The following PRICKLE2 variants were observed in gnomAD, a reference collection of about 807,000 sequenced individuals.
PRICKLE2 encodes prickle planar cell polarity protein 2.
A neutral mutation model predicts 81.4 loss-of-function variants in PRICKLE2; 21 were observed. The observed-to-expected ratio is 0.26, with a 90% CI of 0.18 to 0.37. The LOEUF (loss-of-function observed/expected upper bound fraction) is 0.37, where lower values mean the gene tolerates loss of function less well. Ranked by LOEUF, PRICKLE2 falls within the 10% of genes least tolerant of loss-of-function variation. The probability of loss-of-function intolerance (pLI) is 1.00; values close to 1 mark genes in which losing one functional copy is unlikely to be tolerated. For missense variants in PRICKLE2, 940 were observed against 1,109.0 expected (o/e 0.85, Z 2.16); for synonymous variants, 456 against 421.5 (o/e 1.08, Z -1.00).
chr3:64,240,009 C>T (rs1221140300), intron 2 of PRICKLE2, among the ~76,000 whole-genome samples: 1 of 150,238 alleles, frequency 6.7e-6, no homozygotes, highest in African/African-American at 2.5e-5. Flanking sequence ...TATAGTCTCA[C>T]CTACTTGGGA....
At chr3:64,212,796 CAAAGTCAAACAAACA>C (rs1478965113) in intron 1 of PRICKLE2, among the ~76,000 whole-genome samples, 13 of 152,226 alleles carry the variant, frequency 8.5e-5, no homozygotes, top group Middle Eastern at 3.4e-3. Flanking sequence ...TCTAGGGATA[CAAAGTCAAACAAACA>C]AACAAACAAA....
At chr3:64,152,644 C>T (rs1402939142) in intron 6 of PRICKLE2, among the ~76,000 whole-genome samples, 1 of 151,884 alleles carries the variant, frequency 6.6e-6, no homozygotes, top group Non-Finnish European at 1.5e-5. Flanking sequence ...TCCTCCTCTG[C>T]AAATCCCCAA....
chr3:64,099,050 A>G lies in PRICKLE2; in HGVS notation c.*1T>C. On this transcript the variant is annotated 3_prime_UTR_variant, in exon 8 of 8. Transcript: ENST00000638394. The surrounding 1 kb of genome is among the most constrained non-coding windows in gnomAD (Gnocchi z 4.3). ...TCTCCCATTCCCTGATCCCAATCAT[A>G]TTAAGAAATGATACAGTTTTTGCTC... 1.2e-6 allele frequency: 2 copies of G among 1,614,132 alleles called. No homozygotes were observed. The highest frequency in any genetic ancestry group is 2.2e-5 in the East Asian group (1 of 44,880).
intron 1 of PRICKLE2, among the ~76,000 whole-genome samples, chr3:64,204,819 A>G (rs888548517): frequency 7.1e-4 from 108 of 152,228 alleles, no homozygotes; most frequent in African/African-American, 2.4e-3. Context: ...GTAATGGCTA[A>G]TTTAATAACC....
At chr3:64,258,893 G>GAAATAAATAAAT (rs1553663533) in intron 2 of PRICKLE2, among the ~76,000 whole-genome samples, 24 of 140,984 alleles carry the variant, frequency 1.7e-4, no homozygotes, top group African/African-American at 5.8e-4. Context: ...AAGAAAGAAA[G>GAAATAAATAAAT]AAATCAGGAG....
rs1019789784 is a variant in PRICKLE2 at position 64,219,144 on chromosome 3, T to G, written c.-41+5766A>C. Among the ~76,000 whole-genome samples the G allele has an allele frequency of 7.2e-5, 11 of 152,204 alleles. No individual in the cohort carries two copies. The South Asian group carries it at 1.0e-3, about 14-fold the overall frequency. On this transcript the variant is annotated intron_variant, in intron 1 of 7. Transcript: ENST00000638394. ...GAGAAGTCAGGTCCTGATCTAAAAC[T>G]TGACCTTTTAGTTCCCCGCCAAGAG...
intron 7 of PRICKLE2, chr3:64,141,910 A>G: frequency 1.0e-6 from 1 of 985,148 alleles, no homozygotes; most frequent in Non-Finnish European, 1.2e-6. Flanking sequence ...AGGTGCTTTC[A>G]CTAAGCCTTT....
At chr3:64,195,800 A>G (rs1210031813) in intron 2 of PRICKLE2, among the ~76,000 whole-genome samples, 1 of 152,192 alleles carries the variant, frequency 6.6e-6, no homozygotes, top group African/African-American at 2.4e-5. Context: ...ATTAATATAG[A>G]TGCATATTTT....
At chr3:64,152,967 A>C in intron 6 of PRICKLE2, among the ~76,000 whole-genome samples, 1 of 152,198 alleles carries the variant, frequency 6.6e-6, no homozygotes, top group East Asian at 1.9e-4. Flanking sequence ...ATACAGAGAA[A>C]AAAATCGGTT....
At chr3:64,242,435 C>G (rs2079280432) in intron 2 of PRICKLE2, among the ~76,000 whole-genome samples, 1 of 152,198 alleles carries the variant, frequency 6.6e-6, no homozygotes, top group Admixed American at 6.5e-5. Context: ...ACCCTGTCTA[C>G]CCTAGAAAAG....
At chr3:64,229,863 G>T (rs2079077342), upstream of PRICKLE2, among the ~76,000 whole-genome samples, 2 of 152,208 alleles carry the variant, frequency 1.3e-5, no homozygotes, top group Non-Finnish European at 2.9e-5. Context: ...TGTCATGTAA[G>T]TTGGTCTAGC....
rs949781324 is a variant in PRICKLE2, at chr3:64,159,848, T to C, written c.396+92A>G. On this transcript the variant is annotated intron_variant, in intron 4 of 7. Transcript: ENST00000638394. ...TGTTCACTACTGTATCTCAGGCACA[T>C]AGTAGGCACTCAGTAAAACAATTGT... The C allele has an allele frequency of 3.3e-6, 5 of 1,511,322 alleles. No individual in the cohort carries two copies. In the East Asian group the frequency reaches 1.1e-4, roughly 34 times the overall value. 93.6% of individuals were successfully genotyped at this position (1,511,322 alleles called of 1,614,324 possible).
intron 2 of PRICKLE2, among the ~76,000 whole-genome samples, chr3:64,188,564 C>A (rs948059193): frequency 6.6e-6 from 1 of 152,148 alleles, no homozygotes; most frequent in East Asian, 1.9e-4. Flanking sequence ...TTGAAAACCA[C>A]GGGACGAGGC....
At chr3:64,209,608 A>G (rs1321048868) in intron 1 of PRICKLE2, among the ~76,000 whole-genome samples, 1 of 152,158 alleles carries the variant, frequency 6.6e-6, no homozygotes, top group Non-Finnish European at 1.5e-5. Flanking sequence ...CCAGCCAACC[A>G]ACCTACCAAC....
At position 64,139,183 on chromosome 3, in the gene PRICKLE2, T is replaced by A. The variant is rs79793852; in HGVS notation, c.1660+7647A>T. ...CTTGCCAAGGTGTGTAGATGAGGTG[T>A]GTAAAAGGCATGGCCTTGACACAAC... is the stretch of plus-strand genomic sequence containing the variant. On this transcript the variant is annotated intron_variant, in intron 7 of 7. Coordinates refer to ENST00000638394, the MANE Select transcript of PRICKLE2 (RefSeq NM_198859.4). Among the ~76,000 whole-genome samples the A allele has an allele frequency of 7.4e-3, 961 of 130,234 alleles. 11 individuals carry two copies. The highest frequency in any genetic ancestry group is 0.026 in the African/African-American group (896 of 34,838). The allele number at this position is 130,234 out of a possible 152,430, so 85.4% of individuals were successfully genotyped here.
Position 64,146,912 on chromosome 3 carries a change from G to C in PRICKLE2, c.1578C>G (p.Ser526=). 6.2e-7 allele frequency: 1 copy of C among 1,614,072 alleles called. No individual in the cohort carries two copies. The highest frequency in any genetic ancestry group is 1.1e-5 in the South Asian group (1 of 91,068). ...GCGTCATGTCCTCTGTGTATTTCAG[G>C]GAACTGATGGGATGACGGGTCCGAC... The part of the protein sequence containing the change: ...QQCRTRHPIS[S]LKYTEDMTPT... Residue 526 remains serine, a synonymous_variant, in exon 7 of 8, where the codon TCC becomes TCG. Coordinates refer to ENST00000638394, the MANE Select transcript of PRICKLE2 (RefSeq NM_198859.4).
At chr3:64,122,719 AC>A (rs2077045153) in intron 7 of PRICKLE2, among the ~76,000 whole-genome samples, 1 of 152,136 alleles carries the variant, frequency 6.6e-6, no homozygotes, top group African/African-American at 2.4e-5. Context: ...GCTTTCCAGG[AC>A]AATTTGTGTT....
In PRICKLE2 at chr3:64,096,701, A is replaced by C. The variant is rs1249073957; in HGVS notation, c.*2350T>G. 6.6e-6 allele frequency: 1 copy of C among 152,534 alleles called. No individual in the cohort carries two copies. Among genetic ancestry groups the C allele is most frequent in the Non-Finnish European group, 1.5e-5 (1 of 68,024 alleles). 9.4% of individuals were successfully genotyped at this position (152,534 alleles called of 1,614,324 possible). A position where few individuals can be genotyped will look rare whatever the true frequency, so the allele number is the denominator to read the frequency against. ...CTCCAGACCCCTCCGGGCACTGGCC[A>C]TGTGTCAGTTTTTAGGCCACCTTCT... On this transcript the variant is annotated 3_prime_UTR_variant, in exon 8 of 8. Transcript: ENST00000638394.
chr3:64,204,453 AATAGTGAGCAG>A (rs2078645592), intron 1 of PRICKLE2, among the ~76,000 whole-genome samples: 1 of 152,158 alleles, frequency 6.6e-6, no homozygotes, highest in African/African-American at 2.4e-5. Flanking sequence ...ATCAACCCTA[AATAGTGAGCAG>A]AACATGGACT....
Sources: allele counts gnomAD v4.1 joint callset (sites outside exome capture counted in the v4.1 genomes callset), GRCh38; gene constraint gnomAD v4.1.1; non-coding constraint Gnocchi (gnomAD v3.1); transcripts MANE v1.5; gene names NCBI Gene and HGNC (gene_info 2026-07-23, HGNC 2026-07-21).